ANO3: variants seen among roughly 807,000 people sequenced by gnomAD.
The protein encoded by ANO3 is anoctamin-3.
ANO3 carries 99 observed loss-of-function variants against 144.8 expected under a neutral mutation model. The ratio of observed to expected loss-of-function variants is 0.68; its 90% CI spans 0.58 to 0.81. ANO3 has a LOEUF of 0.81. Among genes scored for constraint, ANO3 ranks in the 30% least tolerant of loss-of-function variants. The pLI is 0.00. For synonymous variants in ANO3, 414 were observed against 392.6 expected (o/e 1.05, Z -0.64); for missense variants, 905 against 1,202.2 (o/e 0.75, Z 3.66).
chr11:26,417,359 G>A (rs891072929), intron 1 of ANO3, among the ~76,000 whole-genome samples: 2 of 151,992 alleles, frequency 1.3e-5, no homozygotes, highest in East Asian at 1.9e-4. Context: ...TAATAAAAAC[G>A]AACAAATTCC....
chr11:26,301,634 TGAGAGATAGGGAAGGAAGAA>T (rs1854235189), intron 1 of ANO3, among the ~76,000 whole-genome samples: 1 of 152,086 alleles, frequency 6.6e-6, no homozygotes, highest in South Asian at 2.1e-4. Context: ...GTGGAGGGAT[TGAGAGATAGGGAAGGAAGAA>T]GAGAGACAGA....
chr11:26,447,418 T>G (rs1858743846), intron 3 of ANO3, among the ~76,000 whole-genome samples: 1 of 152,016 alleles, frequency 6.6e-6, no homozygotes, highest in Admixed American at 6.6e-5. Flanking sequence ...TTGCCAAATG[T>G]CACATAGCTA....
At chr11:26,624,615 C>A in intron 18 of ANO3, 117 bp downstream of exon 18, 3 of 742,182 alleles carry the variant, frequency 4.0e-6, no homozygotes, top group Non-Finnish European at 4.5e-6. Context: ...AAGTATTTAC[C>A]AATTAAAAAG....
chr11:26,578,611 A>T (rs1851051320), intron 14 of ANO3, among the ~76,000 whole-genome samples: 1 of 152,164 alleles, frequency 6.6e-6, no homozygotes, highest in Non-Finnish European at 1.5e-5. Context: ...GTGAGGGATG[A>T]TCTGGAAATT....
At chr11:26,567,993 A>C (rs1850662834) in intron 14 of ANO3, among the ~76,000 whole-genome samples, 1 of 151,976 alleles carries the variant, frequency 6.6e-6, no homozygotes, top group Non-Finnish European at 1.5e-5. Context: ...AGTAAACAGA[A>C]TTGATTGGGT....
chr11:26,412,572 C>T (rs899124952), intron 1 of ANO3, among the ~76,000 whole-genome samples: 10 of 151,962 alleles, frequency 6.6e-5, no homozygotes, highest in African/African-American at 1.2e-4. Flanking sequence ...CAAATCTACA[C>T]GATGCTTCAA....
At chr11:26,328,852 T>A (rs1041185877), upstream of ANO3, among the ~76,000 whole-genome samples, 1 of 152,040 alleles carries the variant, frequency 6.6e-6, no homozygotes, top group Non-Finnish European at 1.5e-5. Context: ...AGTATGAAAA[T>A]GATAAAAATA....
chr11:26,243,493 CAG>C (rs1219689566), intron 1 of ANO3, among the ~76,000 whole-genome samples: 1 of 151,958 alleles, frequency 6.6e-6, no homozygotes, highest in Non-Finnish European at 1.5e-5. Flanking sequence ...TACACAATTG[CAG>C]AGATTTATAG....
chr11:26,598,470 A>G, intron 15 of ANO3, 23 bp downstream of exon 15: 1 of 1,511,130 alleles, frequency 6.6e-7, no homozygotes, highest in Non-Finnish European at 9.0e-7. Context: ...GATACAAGGA[A>G]ATAGGGAAAC....
chr11:26,543,501 C>T (rs1386656491), intron 11 of ANO3, among the ~76,000 whole-genome samples: 2 of 151,988 alleles, frequency 1.3e-5, no homozygotes, highest in Non-Finnish European at 2.9e-5. Context: ...GGTACATGTG[C>T]ACAACGTGCA....
At chr11:26,246,995 T>C (rs965074984) in intron 1 of ANO3, among the ~76,000 whole-genome samples, 1 of 152,190 alleles carries the variant, frequency 6.6e-6, no homozygotes, top group Admixed American at 6.5e-5. Flanking sequence ...AAAACAATAA[T>C]ATATAAAATA....
chr11:26,316,009 T>C (rs900464384), intron 1 of ANO3, among the ~76,000 whole-genome samples: 1 of 152,060 alleles, frequency 6.6e-6, no homozygotes, highest in Non-Finnish European at 1.5e-5. Context: ...GGGTTGAGGG[T>C]GAGAACAGAA....
At chr11:26,202,891 C>T (rs1851725587) in intron 1 of ANO3, among the ~76,000 whole-genome samples, 1 of 152,074 alleles carries the variant, frequency 6.6e-6, no homozygotes, top group Non-Finnish European at 1.5e-5. Context: ...AAGCAGGGAT[C>T]ATTTCTGATT....
chr11:26,615,352 C>G (rs1022580112), intron 17 of ANO3, among the ~76,000 whole-genome samples: 113 of 149,342 alleles, frequency 7.6e-4, no homozygotes, highest in Non-Finnish European at 1.4e-3. Flanking sequence ...GTGGTTCCCT[C>G]TCTCCCCTGG....
At chr11:26,641,763 A>T (rs1853160698) in intron 21 of ANO3, 133 bp from the exon 22 acceptor site, 3 of 994,028 alleles carry the variant, frequency 3.0e-6, no homozygotes, top group African/African-American at 3.4e-5. Context: ...AAAAACTTTT[A>T]TAAAAGGTAA....
chr11:26,190,965 G>A (rs1411826297), intron 1 of ANO3, among the ~76,000 whole-genome samples: 2 of 152,110 alleles, frequency 1.3e-5, no homozygotes, highest in Admixed American at 1.3e-4. Flanking sequence ...TTATTTGTAT[G>A]CATATTGGTT....
chr11:26,513,005 G>A (rs576577373), intron 5 of ANO3, among the ~76,000 whole-genome samples: 24 of 152,130 alleles, frequency 1.6e-4, no homozygotes, highest in African/African-American at 5.1e-4. Flanking sequence ...GGATACATAA[G>A]CAAAACAAAG....
intron 23 of ANO3, among the ~76,000 whole-genome samples, chr11:26,647,356 G>A (rs1853378206): frequency 6.6e-6 from 1 of 152,272 alleles, no homozygotes; most frequent in African/African-American, 2.4e-5. Flanking sequence ...TAACCATGAA[G>A]AACTTGAAGA....
intron 1 of ANO3, among the ~76,000 whole-genome samples, chr11:26,435,866 C>T (rs992012769): frequency 3.7e-4 from 56 of 152,208 alleles, no homozygotes; most frequent in African/African-American, 1.3e-3. Flanking sequence ...TGTTCTTGTT[C>T]ATATTCTAAA....
Sources: gnomAD v4.1 joint callset for allele counts (sites outside exome capture counted in the v4.1 genomes callset) on GRCh38, gnomAD v4.1.1 for gene constraint, MANE v1.5 for transcripts, NCBI Gene and HGNC (gene_info 2026-07-23, HGNC 2026-07-21) for gene names.